Variants in SDK2 observed in about 807,000 individuals in gnomAD.
SDK2 encodes protein sidekick-2.
In SDK2, 105 loss-of-function variants were observed where a neutral mutation model predicts 253.9. The ratio of observed to expected loss-of-function variants is 0.41; its 90% CI spans 0.35 to 0.49. SDK2 has a LOEUF of 0.49. SDK2 is among the 20% of genes least tolerant of loss of function. The probability of loss-of-function intolerance (pLI) is 0.06; values close to 1 mark genes in which losing one functional copy is unlikely to be tolerated. For synonymous variants in SDK2, 1,249 were observed against 1,234.9 expected, an observed-to-expected ratio of 1.01 and a Z score of -0.24; for missense variants, 2,608 against 3,003.0, an observed-to-expected ratio of 0.87 and a Z score of 3.07.
At position 73,618,581 on chromosome 17, in the gene SDK2, T is replaced by C. The variant is rs193274320; in HGVS notation, c.64+25444A>G. ...AAAAGGAGTCTCCATTTCTGCCCCA[T>C]GAACAGGAAGGGTGTTTCCCTTTGG... is the stretch of plus-strand genomic sequence containing the variant. On this transcript the variant is annotated intron_variant, in intron 1 of 44. Coordinates refer to ENST00000392650, the MANE Select transcript of SDK2 (RefSeq NM_001144952.2). The surrounding 1 kb of genome is among the most constrained non-coding windows in gnomAD (Gnocchi z 4.1). Among the ~76,000 whole-genome samples, 1 of 152,180 alleles carries C rather than the reference T, an allele frequency of 6.6e-6. No homozygotes were observed. The highest frequency in any genetic ancestry group is 2.4e-5 in the African/African-American group (1 of 41,444).
chr17:73,432,537 G>T (rs1424912346), intron 10 of SDK2, among the ~76,000 whole-genome samples: 1 of 152,190 alleles, frequency 6.6e-6, no homozygotes, highest in Non-Finnish European at 1.5e-5. Context: ...CCGTGTGCCA[G>T]ACTCTGTTCT....
chr17:73,629,512 C>G lies in SDK2; in HGVS notation c.64+14513G>C, dbSNP rs1297704921. Among the ~76,000 whole-genome samples the G allele has an allele frequency of 6.6e-6, 1 of 152,164 alleles. No homozygotes were observed. Among genetic ancestry groups the G allele is most frequent in the Non-Finnish European group, 1.5e-5 (1 of 68,034 alleles). On this transcript the variant is annotated intron_variant, in intron 1 of 44. Coordinates refer to ENST00000392650, the MANE Select transcript of SDK2 (RefSeq NM_001144952.2). This position sits in a 1 kb window ranked among gnomAD's most constrained non-coding sequence, Gnocchi z 5.0. ...TACGACCAAGGTGCGTATTTGCTGTCTATAATTGCTGCTTGGTATCAGTAA... is the reference window on the plus strand; with the variant it reads ...TACGACCAAGGTGCGTATTTGCTGTGTATAATTGCTGCTTGGTATCAGTAA...
At chr17:73,382,755 A>T (rs1481885210) in intron 33 of SDK2, among the ~76,000 whole-genome samples, 3 of 152,178 alleles carry the variant, frequency 2.0e-5, no homozygotes, top group African/African-American at 7.2e-5. Flanking sequence ...TAATCCCAGC[A>T]CTCTGGGAGG....
rs183580563 is a variant in SDK2 at position 73,420,099 on chromosome 17, C to A, written c.2046-793G>T. Among the ~76,000 whole-genome samples, 803 of 152,220 alleles carry A rather than the reference C, an allele frequency of 5.3e-3. 6 individuals carry two copies. The highest frequency in any genetic ancestry group is 0.014 in the Middle Eastern group (4 of 294). On this transcript the variant is annotated intron_variant, in intron 15 of 44. Transcript: ENST00000392650. ...AGCTGAGCCCCAGGCAGGAGCAGGGCGGGCATGGCGTGTGAGGGAGAGAGC... is the reference window on the plus strand; with the variant it reads ...AGCTGAGCCCCAGGCAGGAGCAGGGAGGGCATGGCGTGTGAGGGAGAGAGC...
chr17:73,544,650 TG>T (rs2044927224), intron 1 of SDK2, among the ~76,000 whole-genome samples: 1 of 152,170 alleles, frequency 6.6e-6, no homozygotes, highest in Admixed American at 6.5e-5. Flanking sequence ...GATGGATGGT[TG>T]AGATACCTAG....
chr17:73,379,670 C>G lies in SDK2; in HGVS notation c.4763-121G>C. 1 of 649,972 alleles carries G rather than the reference C, an allele frequency of 1.5e-6. No homozygotes were observed. Among genetic ancestry groups the G allele is most frequent in the East Asian group, 2.7e-5 (1 of 36,512 alleles). The allele number at this position is 649,972 out of a possible 1,614,324, so 40.3% of individuals were successfully genotyped here. A position where few individuals can be genotyped will look rare whatever the true frequency, so the allele number is the denominator to read the frequency against. On this transcript the variant is annotated intron_variant, in intron 34 of 44. Coordinates refer to ENST00000392650, the MANE Select transcript of SDK2 (RefSeq NM_001144952.2). This position sits in a 1 kb window ranked among gnomAD's most constrained non-coding sequence, Gnocchi z 4.5. ...GAGGCACCCCCGCCATTCTAGCCCC[C>G]TCTGTGAAGGTGCATGAAGGAGGAG...
At chr17:73,593,039 T>C (rs1245432293) in intron 1 of SDK2, among the ~76,000 whole-genome samples, 1 of 124,876 alleles carries the variant, frequency 8.0e-6, no homozygotes, top group Non-Finnish European at 1.6e-5. Flanking sequence ...CATTCCCCAT[T>C]CGAGGCCCAG....
chr17:73,358,243 CAGA>C, intron 39 of SDK2, 39 bp from the exon 40 acceptor site: 1 of 1,555,500 alleles, frequency 6.4e-7, no homozygotes, highest in Non-Finnish European at 8.6e-7. Flanking sequence ...GTATGGAACC[CAGA>C]ACAGCCACCC....
At chr17:73,507,050 T>C (rs1047975038) in intron 2 of SDK2, among the ~76,000 whole-genome samples, 32 of 152,194 alleles carry the variant, frequency 2.1e-4, no homozygotes, top group African/African-American at 7.2e-4. Flanking sequence ...CACCCCTCCA[T>C]TGGACCCAGG....
intron 18 of SDK2, 47 bp downstream of exon 18, chr17:73,414,597 C>A: frequency 6.8e-7 from 1 of 1,468,000 alleles, no homozygotes; most frequent in African/African-American, 1.4e-5. Flanking sequence ...CCACCCCCTC[C>A]AGAAGATCTT....
At chr17:73,356,035 G>C (rs2062589693) in intron 40 of SDK2, among the ~76,000 whole-genome samples, 1 of 152,216 alleles carries the variant, frequency 6.6e-6, no homozygotes, top group South Asian at 2.1e-4. Context: ...AATGGCGAGA[G>C]GGATGAACTA....
At chr17:73,607,731 A>G (rs2045925307) in intron 1 of SDK2, among the ~76,000 whole-genome samples, 1 of 152,184 alleles carries the variant, frequency 6.6e-6, no homozygotes, top group South Asian at 2.1e-4. Flanking sequence ...ACGGCTGGAA[A>G]GCAACAGAGA....
At position 73,443,434 on chromosome 17, in the gene SDK2, G is replaced by T. The variant is rs1219426918; in HGVS notation, c.614-2511C>A. On this transcript the variant is annotated intron_variant, in intron 5 of 44. Transcript: ENST00000392650. The surrounding 1 kb of genome is among the most constrained non-coding windows in gnomAD (Gnocchi z 4.6). The stretch of plus-strand genomic sequence containing the variant: ...AGTTGTTTATTACATGCGGGGGCGC[G>T]CAGGTACCACGGCTCAGATTAATGG... 1.3e-5 allele frequency among the ~76,000 whole-genome samples: 2 copies of T among 152,228 alleles called. No individual in the cohort carries two copies. Among genetic ancestry groups the T allele is most frequent in the African/African-American group, 2.4e-5 (1 of 41,450 alleles).
Position 73,431,426 on chromosome 17 carries a change from C to T in SDK2, c.1480+76G>A. 2.1e-6 allele frequency: 3 copies of T among 1,432,314 alleles called. No individual in the cohort carries two copies. The highest frequency in any genetic ancestry group is 2.8e-6 in the Non-Finnish European group (3 of 1,055,736). 88.7% of individuals were successfully genotyped at this position (1,432,314 alleles called of 1,614,324 possible). A position where few individuals can be genotyped will look rare whatever the true frequency, so the allele number is the denominator to read the frequency against. On this transcript the variant is annotated intron_variant, in intron 11 of 44. Coordinates refer to ENST00000392650, the MANE Select transcript of SDK2 (RefSeq NM_001144952.2). The surrounding 1 kb of genome is among the most constrained non-coding windows in gnomAD (Gnocchi z 5.6). ...GTATGAGCCTGTGCCCCGTAGCTGTCCTGAGTCCTCAGCACCTACAGGGAT... is the reference window on the plus strand; with the variant it reads ...GTATGAGCCTGTGCCCCGTAGCTGTTCTGAGTCCTCAGCACCTACAGGGAT...
Position 73,379,064 on chromosome 17 carries a change from TG to T in SDK2, c.4980+112del, listed in dbSNP as rs1488386209. 9 of 752,154 alleles carry T rather than the reference TG, an allele frequency of 1.2e-5. No homozygotes were observed. The African/African-American group carries it at 1.6e-4, about 13-fold the overall frequency. The allele number at this position is 752,154 out of a possible 1,614,324, so 46.6% of individuals were successfully genotyped here. On this transcript the variant is annotated intron_variant, in intron 36 of 44. Transcript: ENST00000392650. The surrounding 1 kb of genome is among the most constrained non-coding windows in gnomAD (Gnocchi z 4.5). ...GAGCCTGAAGGGCCGAGGAGCTGGCTGGATGAATGGAGGGCCTGGGGACCTG... is the reference window on the plus strand; with the variant it reads ...GAGCCTGAAGGGCCGAGGAGCTGGCTGATGAATGGAGGGCCTGGGGACCTG...
At chr17:73,474,774 C>T (rs2063674452) in intron 2 of SDK2, among the ~76,000 whole-genome samples, 1 of 152,052 alleles carries the variant, frequency 6.6e-6, no homozygotes, top group Admixed American at 6.6e-5. Flanking sequence ...TGGGGTGACC[C>T]TAGAGGGGAG....
Position 73,368,417 on chromosome 17 carries a change from G to C in SDK2, c.5157C>G (p.Thr1719=), listed in dbSNP as rs990315661. Residue 1719 remains threonine, a synonymous_variant, in exon 37 of 45, where the codon ACC becomes ACG. Coordinates refer to ENST00000392650, the MANE Select transcript of SDK2 (RefSeq NM_001144952.2). ...GGCCCCCTCTCCCACCTGCTTGCTG[G>C]GTCTGGCCTTGGGTGGGGGTGCTCC... ...GPRSTPTQGQ[T]QQAAPSAPSS... is the part of the protein sequence containing the mutation. The C allele has an allele frequency of 9.0e-6, 14 of 1,558,822 alleles. No individual in the cohort carries two copies. The African/African-American group carries it at 1.9e-4, about 21-fold the overall frequency.
At chr17:73,498,726 G>C (rs952613977) in intron 2 of SDK2, among the ~76,000 whole-genome samples, 1 of 152,198 alleles carries the variant, frequency 6.6e-6, no homozygotes, top group Non-Finnish European at 1.5e-5. Context: ...AGTAAAAGTC[G>C]CAGTGTGGGG....
At chr17:73,421,999 T>A (rs1368733357) in intron 15 of SDK2, among the ~76,000 whole-genome samples, 2 of 152,126 alleles carry the variant, frequency 1.3e-5, no homozygotes, top group Admixed American at 6.5e-5. Flanking sequence ...CCCATGCGGA[T>A]GTGGAGTGGA....
Sources: allele counts gnomAD v4.1 joint callset (sites outside exome capture counted in the v4.1 genomes callset), GRCh38; gene constraint gnomAD v4.1.1; non-coding constraint Gnocchi (gnomAD v3.1); transcripts MANE v1.5; gene names NCBI Gene and HGNC (gene_info 2026-07-23, HGNC 2026-07-21).